ABI3BP: variants seen among roughly 807,000 people sequenced by gnomAD.
ABI3BP encodes the protein ABI family member 3 binding protein, also known as target of Nesh-SH3.
In ABI3BP, 216 loss-of-function variants were observed where a neutral mutation model predicts 268.6. The observed-to-expected ratio is 0.80, with a 90% CI of 0.72 to 0.90. The LOEUF (loss-of-function observed/expected upper bound fraction) is 0.90, where lower values mean the gene tolerates loss of function less well. ABI3BP is among the 40% of genes least tolerant of loss of function. The pLI is 0.00. For synonymous variants in ABI3BP, 730 were observed against 730.0 expected (o/e 1.00, Z 0.00); for missense variants, 2,090 against 2,182.4 (o/e 0.96, Z 0.84).
At chr3:100,830,494 G>T (rs1430015701) in intron 32 of ABI3BP, 84 bp downstream of exon 32, 2 of 1,146,556 alleles carry the variant, frequency 1.7e-6, no homozygotes, top group Non-Finnish European at 2.5e-6. Flanking sequence ...CTTGTGAAGC[G>T]GGAGAAGCTG....
chr3:100,850,331 G>A (rs1325803276), intron 16 of ABI3BP, among the ~76,000 whole-genome samples: 1 of 152,158 alleles, frequency 6.6e-6, no homozygotes, highest in East Asian at 1.9e-4. Context: ...ATGACTTCAG[G>A]CAGACTTGAT....
In ABI3BP at chr3:100,874,765, T is replaced by C. The variant is rs2099143762; in HGVS notation, c.910+76A>G. 7 of 879,242 alleles carry C rather than the reference T, an allele frequency of 8.0e-6. No homozygotes were observed. In the African/African-American group the frequency reaches 8.4e-5, roughly 11 times the overall value. The allele number at this position is 879,242 out of a possible 1,614,324, so 54.5% of individuals were successfully genotyped here. ...ATCCTCAAACAGCTCATTAGCAAGA[T>C]TCTTTGGATTTCCTAAGAATATCAG... On this transcript the variant is annotated intron_variant, in intron 9 of 67. Transcript: ENST00000471714.
At chr3:100,961,387 A>G (rs1481717114) in intron 1 of ABI3BP, among the ~76,000 whole-genome samples, 2 of 152,230 alleles carry the variant, frequency 1.3e-5, no homozygotes, top group African/African-American at 4.8e-5. Context: ...TGCAGAGTGG[A>G]GTGAGGTTGA....
Position 100,749,837 on chromosome 3 carries a change from C to A in ABI3BP, c.*658G>T. The A allele has an allele frequency of 2.5e-6, 1 of 396,822 alleles. No homozygotes were observed. Among genetic ancestry groups the A allele is most frequent in the Non-Finnish European group, 4.4e-6 (1 of 225,174 alleles). 24.6% of individuals were successfully genotyped at this position (396,822 alleles called of 1,614,324 possible). A position where few individuals can be genotyped will look rare whatever the true frequency, so the allele number is the denominator to read the frequency against. On this transcript the variant is annotated 3_prime_UTR_variant, in exon 68 of 68. Transcript: ENST00000471714. ...TCTTTTGAAACAATATATTAGACTC[C>A]ATTTTTAGCTGAAATGAAATTTACT...
chr3:100,801,549 C>G (rs999867508), intron 51 of ABI3BP, among the ~76,000 whole-genome samples: 1 of 151,562 alleles, frequency 6.6e-6, no homozygotes, highest in Non-Finnish European at 1.5e-5. Context: ...CACTGAGTCA[C>G]TAAAACTTGA....
intron 2 of ABI3BP, among the ~76,000 whole-genome samples, chr3:100,916,967 C>A (rs1226851525): frequency 6.6e-6 from 1 of 152,208 alleles, no homozygotes; most frequent in Non-Finnish European, 1.5e-5. Flanking sequence ...TATATCAGAA[C>A]AGCAGGTGTC....
At chr3:100,967,706 G>C (rs1440728434) in intron 1 of ABI3BP, among the ~76,000 whole-genome samples, 7 of 151,914 alleles carry the variant, frequency 4.6e-5, no homozygotes, top group Admixed American at 1.3e-4. Context: ...ATTCAATAAG[G>C]TAGAATAATT....
At position 100,846,168 on chromosome 3, in the gene ABI3BP, G is replaced by A. The variant is rs80087210; in HGVS notation, c.1723+204C>T. Among the ~76,000 whole-genome samples the A allele has an allele frequency of 6.8e-3, 1,034 of 152,226 alleles. 7 individuals are homozygous for A. Among genetic ancestry groups the A allele is most frequent in the Non-Finnish European group, 0.011 (726 of 68,002 alleles). ...CATTACATTTCTGTGTTTTCTCTGT[G>A]ATGATCATGAACATTGCTGAGAGCA... On this transcript the variant is annotated intron_variant, in intron 20 of 67. Transcript: ENST00000471714.
At chr3:100,760,008 G>T (rs1002201365) in intron 63 of ABI3BP, among the ~76,000 whole-genome samples, 1 of 152,196 alleles carries the variant, frequency 6.6e-6, no homozygotes, top group African/African-American at 2.4e-5. Context: ...CAGATTGACA[G>T]TGTATAAGAA....
chr3:100,760,381 GT>G (rs1240194982), intron 63 of ABI3BP, among the ~76,000 whole-genome samples: 30 of 152,278 alleles, frequency 2.0e-4, no homozygotes, highest in Non-Finnish European at 2.9e-5. Flanking sequence ...GATTGTGTGT[GT>G]TCATCCATTT....
At chr3:100,796,519 AG>A in intron 51 of ABI3BP, 51 bp from the exon 52 acceptor site, 2 of 1,395,588 alleles carry the variant, frequency 1.4e-6, no homozygotes, top group Non-Finnish European at 2.0e-6. Flanking sequence ...ACCCAACTGG[AG>A]TGAGCTTAAC....
intron 2 of ABI3BP, among the ~76,000 whole-genome samples, chr3:100,905,801 C>T (rs1180537083): frequency 2.0e-5 from 3 of 152,000 alleles, no homozygotes; most frequent in African/African-American, 7.2e-5. Flanking sequence ...ATAAAGTAAA[C>T]TTCATGCTAA....
Position 100,820,224 on chromosome 3 carries a change from T to C in ABI3BP, c.3027A>G (p.Lys1009=). The C allele has an allele frequency of 6.5e-7, 1 of 1,535,864 alleles. No homozygotes were observed. Among genetic ancestry groups the C allele is most frequent in the South Asian group, 1.2e-5 (1 of 84,012 alleles). ...TTPSPEVPQT[K]LVPSTDLEPG... ...TAACCAGAAACCCAAATTTACCCAGTTTGGTTTGAGGAACCTCAGGACTTG... is the reference window on the plus strand; with the variant it reads ...TAACCAGAAACCCAAATTTACCCAGCTTGGTTTGAGGAACCTCAGGACTTG... Residue 1009 remains lysine (K), a synonymous_variant, in exon 40 of 68, where the codon AAA becomes AAG. Transcript: ENST00000471714.
chr3:100,769,470 G>A (rs548715769), intron 62 of ABI3BP, among the ~76,000 whole-genome samples: 57 of 152,130 alleles, frequency 3.7e-4, no homozygotes, highest in Non-Finnish European at 7.8e-4. Context: ...AAGTTACATC[G>A]GATATTATGA....
intron 1 of ABI3BP, among the ~76,000 whole-genome samples, chr3:100,969,125 A>G (rs1298561552): frequency 6.6e-6 from 1 of 152,216 alleles, no homozygotes; most frequent in Non-Finnish European, 1.5e-5. Context: ...GATGCAAACC[A>G]TGAAGCAAGA....
chr3:100,914,541 A>G (rs1444026351), intron 2 of ABI3BP: 5 of 418,766 alleles, frequency 1.2e-5, no homozygotes, highest in African/African-American at 2.1e-5. Flanking sequence ...CTCACAGCTC[A>G]TGTTGGTGCG....
intron 1 of ABI3BP, among the ~76,000 whole-genome samples, chr3:100,944,150 A>C (rs1333865153): frequency 6.6e-6 from 1 of 152,152 alleles, no homozygotes; most frequent in Non-Finnish European, 1.5e-5. Context: ...TTGACAATTA[A>C]GTGTAATATT....
intron 14 of ABI3BP, among the ~76,000 whole-genome samples, chr3:100,859,807 A>T (rs146488414): frequency 6.6e-6 from 1 of 152,328 alleles, no homozygotes; most frequent in Non-Finnish European, 1.5e-5. Flanking sequence ...TATTGATTTG[A>T]GGCCTATGGT....
intron 62 of ABI3BP, among the ~76,000 whole-genome samples, chr3:100,766,161 C>G (rs1432673120): frequency 6.6e-6 from 1 of 152,206 alleles, no homozygotes; most frequent in Non-Finnish European, 1.5e-5. Context: ...TGTTCATTGA[C>G]TATTTCTGCA....
Sources: gnomAD v4.1 joint callset for allele counts (sites outside exome capture counted in the v4.1 genomes callset) on GRCh38, gnomAD v4.1.1 for gene constraint, MANE v1.5 for transcripts, NCBI Gene and HGNC (gene_info 2026-07-23, HGNC 2026-07-21) for gene names.